MAPRE3: variants seen among roughly 807,000 people sequenced by gnomAD.
MAPRE3 encodes microtubule-associated protein RP/EB family member 3.
In MAPRE3, 2 loss-of-function variants were observed where a neutral mutation model predicts 30.5. The ratio of observed to expected loss-of-function variants is 0.07; its 90% CI spans 0.03 to 0.21. MAPRE3 has a LOEUF of 0.21. Ranked by LOEUF, MAPRE3 falls within the 10% of genes least tolerant of loss-of-function variation. The pLI is 1.00. For synonymous variants in MAPRE3, 110 were observed against 127.7 expected (o/e 0.86, Z 0.93); for missense variants, 204 against 351.8 (o/e 0.58, Z 3.36).
intron 1 of MAPRE3, chr2:27,012,737 G>A (rs577125894): frequency 6.5e-6 from 1 of 152,806 alleles, no homozygotes; most frequent in Admixed American, 6.5e-5. Context: ...AACAAACACT[G>A]AAACTTAAGT....
chr2:26,976,758 T>C (rs1666022072), intron 1 of MAPRE3, among the ~76,000 whole-genome samples: 1 of 152,236 alleles, frequency 6.6e-6, no homozygotes, highest in African/African-American at 2.4e-5. Context: ...ACATACCACT[T>C]GTGTGATACA....
At chr2:26,974,392 CT>C (rs957614768) in intron 1 of MAPRE3, among the ~76,000 whole-genome samples, 52 of 152,276 alleles carry the variant, frequency 3.4e-4, no homozygotes, top group African/African-American at 1.2e-3. Flanking sequence ...GAAGGTCTTT[CT>C]TTTTTTAATT....
chr2:26,980,558 C>G (rs1666093925), intron 1 of MAPRE3, among the ~76,000 whole-genome samples: 1 of 152,144 alleles, frequency 6.6e-6, no homozygotes, highest in South Asian at 2.1e-4. Context: ...TACCAGTATG[C>G]TTAACCTCAA....
intron 1 of MAPRE3, among the ~76,000 whole-genome samples, chr2:27,018,174 AC>A (rs1174576445): frequency 2.0e-5 from 3 of 152,192 alleles, no homozygotes; most frequent in Admixed American, 1.3e-4. Context: ...CCCAGGGCCA[AC>A]CTAAGACTAC....
chr2:26,976,701 A>G (rs1666020710), intron 1 of MAPRE3, among the ~76,000 whole-genome samples: 1 of 152,234 alleles, frequency 6.6e-6, no homozygotes, highest in African/African-American at 2.4e-5. Context: ...CTTTAACTCC[A>G]TGCAAAATGA....
intron 1 of MAPRE3, among the ~76,000 whole-genome samples, chr2:27,000,835 A>G (rs1228621419): frequency 6.6e-6 from 1 of 152,262 alleles, no homozygotes; most frequent in East Asian, 1.9e-4. Flanking sequence ...ACAGAAAGCA[A>G]CAGAAGCCTT....
At chr2:26,981,052 G>C (rs1216607589) in intron 1 of MAPRE3, among the ~76,000 whole-genome samples, 1 of 152,060 alleles carries the variant, frequency 6.6e-6, no homozygotes, top group East Asian at 1.9e-4. Context: ...TAGAGCCAAG[G>C]CCACTTGCTG....
chr2:27,025,676 C>G lies in MAPRE3; in HGVS notation c.563C>G (p.Pro188Arg). The change falls in exon 5 of 7, where the codon CCT (proline) becomes CGT (arginine). Residue 188 changes from proline to arginine, a missense_variant. By Grantham distance (103) the Pro-to-Arg change is moderately radical. Coordinates refer to ENST00000233121, the MANE Select transcript of MAPRE3 (RefSeq NM_012326.4). ...VAPPCILRKN[P>R]PSARNGGHET... ...CCCCCCTGCATTCTCCGGAAGAATC[C>G]TCCATCAGCCCGAAATGGCGGCCAT... The G allele has an allele frequency of 1.2e-6, 2 of 1,613,848 alleles. No homozygotes were observed. Among genetic ancestry groups the G allele is most frequent in the Non-Finnish European group, 1.7e-6 (2 of 1,179,844 alleles).
At position 27,015,126 on chromosome 2, in the gene MAPRE3, G is replaced by A. The variant is rs1361197862; in HGVS notation, c.-7-7086G>A. Reference sequence around the variant, plus strand: ...AAGTTCTGTAGTCTGTCTCCTTTCTGGACTGGCATTTCCATGGTCTGAGAC... The same window carrying A: ...AAGTTCTGTAGTCTGTCTCCTTTCTAGACTGGCATTTCCATGGTCTGAGAC... On this transcript the variant is annotated intron_variant, in intron 1 of 6. Coordinates refer to ENST00000233121, the MANE Select transcript of MAPRE3 (RefSeq NM_012326.4). This position sits in a 1 kb window ranked among gnomAD's most constrained non-coding sequence, Gnocchi z 4.0. 3.3e-5 allele frequency: 5 copies of A among 152,250 alleles called. No individual in the cohort carries two copies. Among genetic ancestry groups the A allele is most frequent in the Admixed American group, 6.5e-5 (1 of 15,282 alleles). 9.4% of individuals were successfully genotyped at this position (152,250 alleles called of 1,614,324 possible). A position where few individuals can be genotyped will look rare whatever the true frequency, so the allele number is the denominator to read the frequency against.
intron 1 of MAPRE3, among the ~76,000 whole-genome samples, chr2:26,973,651 G>C (rs1228263819): frequency 6.6e-6 from 1 of 151,686 alleles, no homozygotes; most frequent in Non-Finnish European, 1.5e-5. Flanking sequence ...GCTTCCCGGG[G>C]TTCACGCCAT....
At position 27,026,726 on chromosome 2, in the gene MAPRE3, A is replaced by G. The variant is rs547276309; in HGVS notation, c.*378A>G. On this transcript the variant is annotated 3_prime_UTR_variant, in exon 7 of 7. Transcript: ENST00000233121. The stretch of plus-strand genomic sequence containing the variant: ...TTTTTACTTACTGGATTCTCCTTGC[A>G]CTTTACCTGTTCTTTTCCAGAGCTG... 1 of 195,576 alleles carries G rather than the reference A, an allele frequency of 5.1e-6. No homozygotes were observed. Among genetic ancestry groups the G allele is most frequent in the South Asian group, 1.5e-4 (1 of 6,688 alleles). 12.1% of individuals were successfully genotyped at this position (195,576 alleles called of 1,614,324 possible).
At chr2:26,978,260 G>C (rs1666051251) in intron 1 of MAPRE3, among the ~76,000 whole-genome samples, 1 of 152,216 alleles carries the variant, frequency 6.6e-6, no homozygotes, top group South Asian at 2.1e-4. Context: ...CAAGATCATA[G>C]TTGGGTCTAA....
intron 1 of MAPRE3, among the ~76,000 whole-genome samples, chr2:26,994,844 T>A (rs1225164536): frequency 1.4e-4 from 16 of 118,106 alleles, no homozygotes; most frequent in East Asian, 7.2e-4. Flanking sequence ...TTTTTTTTTT[T>A]AAGAAATGAG....
At chr2:26,978,294 G>A (rs114155855) in intron 1 of MAPRE3, among the ~76,000 whole-genome samples, 468 of 152,282 alleles carry the variant, frequency 3.1e-3, no homozygotes, top group African/African-American at 0.01. Flanking sequence ...ATGTGAAAGG[G>A]GCAGGTCTTA....
chr2:26,979,908 C>T (rs1181606229), intron 1 of MAPRE3, among the ~76,000 whole-genome samples: 1 of 152,104 alleles, frequency 6.6e-6, no homozygotes, highest in Non-Finnish European at 1.5e-5. Context: ...TGCAGGACAT[C>T]CAAGTTGAGT....
chr2:27,026,320 A>G lies in MAPRE3; in HGVS notation c.818A>G (p.His273Arg). ...CCTGAGGACGATGAGATTGAAGAGC[A>G]TCAACAAGAAGACCAGGACGAGTAC... ...APPEDDEIEEHQQEDQDEY is the reference protein window; with the variant it reads ...APPEDDEIEERQQEDQDEY The change falls in exon 7 of 7, where the codon CAT becomes CGT. Residue 273 changes from histidine (H) to arginine (R), a missense_variant. Around this residue, in one of 5 missense-constraint regions of MAPRE3, gnomAD observed 26 missense variants for 25.6 expected, o/e 1.02. Transcript: ENST00000233121. 1 of 1,614,038 alleles carries G rather than the reference A, an allele frequency of 6.2e-7. No individual in the cohort carries two copies. Among genetic ancestry groups the G allele is most frequent in the Non-Finnish European group, 8.5e-7 (1 of 1,179,956 alleles).
At chr2:27,025,041 G>A (rs1364660879) in intron 4 of MAPRE3, among the ~76,000 whole-genome samples, 1 of 152,192 alleles carries the variant, frequency 6.6e-6, no homozygotes, top group Admixed American at 6.5e-5. Context: ...ACGGCATGCT[G>A]GCTGCGCTGG....
intron 1 of MAPRE3, chr2:27,014,448 T>G (rs1208577682): frequency 6.6e-6 from 1 of 152,300 alleles, no homozygotes; most frequent in African/African-American, 2.4e-5. Context: ...GTCTTAGAGT[T>G]GTGACCTAAA....
chr2:26,978,314 A>G (rs1666052273), intron 1 of MAPRE3, among the ~76,000 whole-genome samples: 1 of 152,324 alleles, frequency 6.6e-6, no homozygotes, highest in East Asian at 1.9e-4. Context: ...AGACCACTAG[A>G]TGAAATTAGA....
Sources: allele counts gnomAD v4.1 joint callset (sites outside exome capture counted in the v4.1 genomes callset), GRCh38; gene constraint gnomAD v4.1.1; regional missense constraint gnomAD v4.1.1; non-coding constraint Gnocchi (gnomAD v3.1); transcripts MANE v1.5; gene names NCBI Gene and HGNC (gene_info 2026-07-23, HGNC 2026-07-21).